Variants in RASAL2 observed in about 807,000 individuals in gnomAD.
RASAL2 encodes RAS protein activator like 2, also known as ras GTPase-activating protein nGAP.
In RASAL2, 58 loss-of-function variants were observed where a neutral mutation model predicts 128.9. The observed-to-expected ratio is 0.45, with a 90% confidence interval of 0.36 to 0.56. The LOEUF is 0.56. RASAL2 is among the 20% of genes least tolerant of loss of function. The pLI, the probability that RASAL2 is intolerant of heterozygous loss-of-function variation, is 0.00. For missense variants in RASAL2, 1,360 were observed against 1,601.6 expected (o/e 0.85, Z 2.57); for synonymous variants, 561 against 580.8 (o/e 0.97, Z 0.49).
intron 1 of RASAL2, among the ~76,000 whole-genome samples, chr1:178,275,532 G>T (rs1386936889): frequency 6.6e-6 from 1 of 152,178 alleles, no homozygotes; most frequent in Non-Finnish European, 1.5e-5. Context: ...ATAAGTAATG[G>T]CACCAAACTA....
intron 3 of RASAL2, among the ~76,000 whole-genome samples, chr1:178,375,303 G>A (rs1251810069): frequency 6.6e-6 from 1 of 151,992 alleles, no homozygotes; most frequent in East Asian, 1.9e-4. Flanking sequence ...ACATTTGAAG[G>A]GTATTTGGAA....
In RASAL2 at chr1:178,171,262, C is replaced by T. The variant is rs955991896; in HGVS notation, c.202+76568C>T. Among the ~76,000 whole-genome samples the T allele has an allele frequency of 9.2e-5, 14 of 152,042 alleles. No individual in the cohort carries two copies. In the East Asian group the frequency reaches 2.5e-3, roughly 27 times the overall value. On this transcript the variant is annotated intron_variant, in intron 1 of 17. Transcript: ENST00000367649. ...TCTCAGCACATTGTACCTGCTCACT[C>T]TTATTTTCACAAGGGTACTGGTTTT...
chr1:178,413,821 AAG>A, intron 4 of RASAL2, among the ~76,000 whole-genome samples: 1 of 152,356 alleles, frequency 6.6e-6, no homozygotes, highest in African/African-American at 2.4e-5. Context: ...AATTATAAAA[AAG>A]AACCAAAAGG....
At chr1:178,115,115 C>T (rs187724927) in intron 1 of RASAL2, among the ~76,000 whole-genome samples, 30 of 152,216 alleles carry the variant, frequency 2.0e-4, no homozygotes, top group African/African-American at 5.8e-4. Flanking sequence ...CATCTACACC[C>T]GGACTTTTCT....
intron 1 of RASAL2, among the ~76,000 whole-genome samples, chr1:178,130,185 A>G (rs545367077): frequency 1.3e-5 from 2 of 152,292 alleles, no homozygotes; most frequent in South Asian, 2.1e-4. Context: ...TTAAAGGCCA[A>G]TTTCCATATC....
At chr1:178,314,603 A>T (rs1445762165) in intron 3 of RASAL2, among the ~76,000 whole-genome samples, 2 of 151,974 alleles carry the variant, frequency 1.3e-5, no homozygotes, top group African/African-American at 4.8e-5. Context: ...CCCCCAAAAT[A>T]TTGGGGAAAT....
chr1:178,290,336 C>G (rs541323536), intron 2 of RASAL2, among the ~76,000 whole-genome samples: 42 of 152,188 alleles, frequency 2.8e-4, no homozygotes, highest in African/African-American at 9.9e-4. Context: ...ATCTTCTATC[C>G]TTTCTTTCCA....
intron 1 of RASAL2, among the ~76,000 whole-genome samples, chr1:178,278,158 C>T (rs957384516): frequency 1.3e-5 from 2 of 152,146 alleles, no homozygotes; most frequent in Admixed American, 6.5e-5. Flanking sequence ...GAGGGCTGGG[C>T]GTCTCATTTA....
At chr1:178,406,310 T>C (rs1673998183) in intron 4 of RASAL2, among the ~76,000 whole-genome samples, 1 of 152,182 alleles carries the variant, frequency 6.6e-6, no homozygotes, top group African/African-American at 2.4e-5. Context: ...AAAAACATTA[T>C]GCTAAGTGAA....
intron 3 of RASAL2, among the ~76,000 whole-genome samples, chr1:178,320,401 G>A (rs1456898356): frequency 6.6e-5 from 10 of 152,190 alleles, no homozygotes; most frequent in Non-Finnish European, 1.2e-4. Flanking sequence ...CCTCGCTGCC[G>A]CCTTGCAGTT....
chr1:178,107,820 A>G (rs573386669), intron 1 of RASAL2, among the ~76,000 whole-genome samples: 59 of 152,268 alleles, frequency 3.9e-4, no homozygotes, highest in Non-Finnish European at 5.4e-4. Flanking sequence ...TAAATATTCC[A>G]TTGTATGTAT....
chr1:178,310,913 C>A (rs953425475), intron 3 of RASAL2, among the ~76,000 whole-genome samples: 31 of 152,114 alleles, frequency 2.0e-4, no homozygotes, highest in Admixed American at 7.9e-4. Flanking sequence ...GGTTACTGTT[C>A]CCAGTTTGTA....
intron 3 of RASAL2, among the ~76,000 whole-genome samples, chr1:178,377,286 G>A (rs948131746): frequency 6.6e-6 from 1 of 151,924 alleles, no homozygotes; most frequent in Non-Finnish European, 1.5e-5. Flanking sequence ...CTAATTTCTG[G>A]TAATATGCCA....
chr1:178,204,050 C>T lies in RASAL2; in HGVS notation c.203-79514C>T, dbSNP rs1326282223. The stretch of plus-strand genomic sequence containing the variant: ...AGAAGAAGGTCATCAATACCAGCTA[C>T]AACCATGTGGCCAGTTGCAGAAATG... On this transcript the variant is annotated intron_variant, in intron 1 of 17. Transcript: ENST00000367649. Among the ~76,000 whole-genome samples the T allele has an allele frequency of 3.9e-5, 6 of 152,232 alleles. No individual in the cohort carries two copies. In the East Asian group the frequency reaches 1.2e-3, roughly 29 times the overall value.
chr1:178,475,339 G>A lies in RASAL2; in HGVS notation c.*2100G>A, dbSNP rs1648594559. ...CTTCTCTCCAAGCGGAGGGCACACTGTGGTCAAAATCACTTATTTTATTAG... is the reference window on the plus strand; with the variant it reads ...CTTCTCTCCAAGCGGAGGGCACACTATGGTCAAAATCACTTATTTTATTAG... On this transcript the variant is annotated 3_prime_UTR_variant, in exon 18 of 18. Transcript: ENST00000367649. 1 of 152,218 alleles carries A rather than the reference G, an allele frequency of 6.6e-6. No individual in the cohort carries two copies. The highest frequency in any genetic ancestry group is 2.4e-5 in the African/African-American group (1 of 41,456). The allele number at this position is 152,218 out of a possible 1,614,324, so 9.4% of individuals were successfully genotyped here.
chr1:178,151,728 C>G (rs1407867219), intron 1 of RASAL2, among the ~76,000 whole-genome samples: 1 of 152,164 alleles, frequency 6.6e-6, no homozygotes, highest in Non-Finnish European at 1.5e-5. Context: ...GACTCTGTGT[C>G]AGCAATAGAA....
intron 1 of RASAL2, among the ~76,000 whole-genome samples, chr1:178,269,936 A>G (rs1453041687): frequency 6.6e-6 from 1 of 152,154 alleles, no homozygotes; most frequent in Non-Finnish European, 1.5e-5. Flanking sequence ...GTAACACTCC[A>G]GTAGGGTATT....
chr1:178,256,647 A>T (rs1665356638), intron 1 of RASAL2, among the ~76,000 whole-genome samples: 2 of 152,322 alleles, frequency 1.3e-5, no homozygotes, highest in African/African-American at 4.8e-5. Context: ...TGATTATGGG[A>T]TACAAAATCA....
chr1:178,199,771 A>C (rs1398171120), intron 1 of RASAL2, among the ~76,000 whole-genome samples: 1 of 152,134 alleles, frequency 6.6e-6, no homozygotes, highest in Non-Finnish European at 1.5e-5. Context: ...GATGCAAAGT[A>C]TTGTTCCCAG....
Sources: gnomAD v4.1 joint callset for allele counts (sites outside exome capture counted in the v4.1 genomes callset) on GRCh38, gnomAD v4.1.1 for gene constraint, MANE v1.5 for transcripts, NCBI Gene and HGNC (gene_info 2026-07-23, HGNC 2026-07-21) for gene names.